Variants in GRIN2B observed in about 807,000 individuals in gnomAD.
The protein encoded by GRIN2B is glutamate receptor ionotropic, NMDA 2B.
In GRIN2B, 5 loss-of-function variants were observed where a neutral mutation model predicts 114.5. The ratio of observed to expected loss-of-function variants is 0.04; its 90% confidence interval spans 0.02 to 0.09. GRIN2B has a LOEUF of 0.09. Ranked by LOEUF, GRIN2B falls within the 10% of genes least tolerant of loss-of-function variation. The pLI, the probability that GRIN2B is intolerant of heterozygous loss-of-function variation, is 1.00. For synonymous variants in GRIN2B, 787 were observed against 745.1 expected (o/e 1.06, Z -0.92); for missense variants, 1,108 against 1,943.5 (o/e 0.57, Z 8.08).
chr12:13,563,906 C>T lies in GRIN2B; in HGVS notation c.3332G>A (p.Arg1111His), dbSNP rs876661167. ...EFDEIELAYR[R>H]RPPRSPDHKR... Reference sequence around the variant, plus strand: ...GTGGTCAGGGGAGCGGGGCGGTCGGCGACGGTAGGCCAGCTCGATCTCGTC... The same window carrying T: ...GTGGTCAGGGGAGCGGGGCGGTCGGTGACGGTAGGCCAGCTCGATCTCGTC... The change falls in exon 14 of 14, where the codon CGC (arginine) becomes CAC (histidine). Residue 1111 changes from arginine to histidine, a missense_variant. Physicochemically the swap from Arg to His is conservative, Grantham distance 29. Transcript: ENST00000609686. The T allele has an allele frequency of 6.2e-7, 1 of 1,614,070 alleles. No homozygotes were observed. Among genetic ancestry groups the T allele is most frequent in the Non-Finnish European group, 8.5e-7 (1 of 1,180,004 alleles).
intron 4 of GRIN2B, among the ~76,000 whole-genome samples, chr12:13,677,921 A>C (rs1950091205): frequency 6.6e-6 from 1 of 151,870 alleles, no homozygotes; most frequent in Non-Finnish European, 1.5e-5. Context: ...CGTAATTTTA[A>C]CTTGATGGAT....
intron 2 of GRIN2B, among the ~76,000 whole-genome samples, chr12:13,903,640 G>A (rs1305631055): frequency 6.6e-6 from 1 of 152,004 alleles, no homozygotes; most frequent in Non-Finnish European, 1.5e-5. Flanking sequence ...TTGATAAATG[G>A]TCAGTTTCCT....
At chr12:13,739,952 G>A (rs1591705991) in intron 4 of GRIN2B, among the ~76,000 whole-genome samples, 2 of 152,328 alleles carry the variant, frequency 1.3e-5, no homozygotes. Flanking sequence ...GTGTATGCAC[G>A]TGGGGGAAGG....
chr12:13,590,349 C>T (rs953451037), intron 10 of GRIN2B, among the ~76,000 whole-genome samples: 7 of 152,090 alleles, frequency 4.6e-5, no homozygotes, highest in Non-Finnish European at 8.8e-5. Flanking sequence ...TTTTAAGCCC[C>T]GCATGCATTA....
chr12:13,698,696 T>G (rs544810551), intron 4 of GRIN2B, among the ~76,000 whole-genome samples: 1 of 152,344 alleles, frequency 6.6e-6, no homozygotes, highest in African/African-American at 2.4e-5. Context: ...TATTTTTATT[T>G]TTTTGAGACA....
At chr12:13,885,438 GT>G (rs1823840062) in intron 2 of GRIN2B, among the ~76,000 whole-genome samples, 1 of 152,176 alleles carries the variant, frequency 6.6e-6, no homozygotes, top group South Asian at 2.1e-4. Context: ...GCCGGGTGTG[GT>G]TAGAAGCCCT....
intron 4 of GRIN2B, among the ~76,000 whole-genome samples, chr12:13,751,420 T>G (rs891052486): frequency 2.6e-5 from 4 of 152,084 alleles, no homozygotes; most frequent in African/African-American, 9.7e-5. Context: ...CCTGTAGTAA[T>G]GCATGTGAGA....
intron 2 of GRIN2B, among the ~76,000 whole-genome samples, chr12:13,922,775 G>A (rs905130513): frequency 6.6e-6 from 1 of 152,178 alleles, no homozygotes; most frequent in African/African-American, 2.4e-5. Flanking sequence ...CCAAAACTGT[G>A]CTTTGGGAAA....
At chr12:13,968,488 G>A (rs907555529) in intron 2 of GRIN2B, among the ~76,000 whole-genome samples, 3 of 152,168 alleles carry the variant, frequency 2.0e-5, no homozygotes, top group African/African-American at 7.2e-5. Context: ...GTGCTGGCCA[G>A]GGTGGGGCCA....
At chr12:13,875,159 G>A (rs1865975387) in intron 2 of GRIN2B, among the ~76,000 whole-genome samples, 1 of 151,720 alleles carries the variant, frequency 6.6e-6, no homozygotes, top group Admixed American at 6.6e-5. Flanking sequence ...CCATTTATAA[G>A]TTTACCTATG....
chr12:13,869,382 G>A (rs1865872987), intron 2 of GRIN2B, among the ~76,000 whole-genome samples: 1 of 151,454 alleles, frequency 6.6e-6, no homozygotes, highest in African/African-American at 2.4e-5. Context: ...AGCTCTAACA[G>A]TGCCTCATAT....
chr12:13,649,467 T>C (rs1395373127), intron 5 of GRIN2B, among the ~76,000 whole-genome samples: 1 of 152,104 alleles, frequency 6.6e-6, no homozygotes, highest in Admixed American at 6.6e-5. Flanking sequence ...TAGTAAAATA[T>C]GTTGGATAAA....
intron 3 of GRIN2B, among the ~76,000 whole-genome samples, chr12:13,804,152 G>GCT (rs745410501): frequency 1.7e-3 from 217 of 126,594 alleles, no homozygotes; most frequent in African/African-American, 5.1e-3. Context: ...CATTTCTGCA[G>GCT]CTCTCTTTTT....
chr12:13,622,389 G>T (rs542147644), intron 5 of GRIN2B, among the ~76,000 whole-genome samples: 48 of 152,182 alleles, frequency 3.2e-4, no homozygotes, highest in Admixed American at 2.4e-3. Flanking sequence ...CTGCAGCCCC[G>T]GGGCAGGCCT....
At position 13,560,961 on chromosome 12, in the gene GRIN2B, T is replaced by G. The variant is rs1240064833; in HGVS notation, c.*1822A>C. On this transcript the variant is annotated 3_prime_UTR_variant, in exon 14 of 14. Coordinates refer to ENST00000609686, the MANE Select transcript of GRIN2B (RefSeq NM_000834.5). ...ACCTTTCTGGTTTATGTGTCCTGTGTGCAACATGGCGATCCTGCAGTCAAG... is the reference window on the plus strand; with the variant it reads ...ACCTTTCTGGTTTATGTGTCCTGTGGGCAACATGGCGATCCTGCAGTCAAG... 1 of 152,228 alleles carries G rather than the reference T, an allele frequency of 6.6e-6. No homozygotes were observed. The highest frequency in any genetic ancestry group is 2.4e-5 in the African/African-American group (1 of 41,414). 9.4% of individuals were successfully genotyped at this position (152,228 alleles called of 1,614,324 possible).
intron 4 of GRIN2B, among the ~76,000 whole-genome samples, chr12:13,716,257 A>G (rs888107554): frequency 1.3e-5 from 2 of 151,962 alleles, no homozygotes; most frequent in Non-Finnish European, 2.9e-5. Context: ...AGGGTGATGC[A>G]ATAGGAAATA....
chr12:13,713,168 T>C (rs1280154098), intron 4 of GRIN2B, among the ~76,000 whole-genome samples: 1 of 151,944 alleles, frequency 6.6e-6, no homozygotes, highest in African/African-American at 2.4e-5. Flanking sequence ...CGTTAGGTAT[T>C]TCTTTTAACA....
chr12:13,613,068 G>C (rs1949385758), intron 8 of GRIN2B, among the ~76,000 whole-genome samples: 1 of 152,184 alleles, frequency 6.6e-6, no homozygotes, highest in Non-Finnish European at 1.5e-5. Flanking sequence ...TAAAGCCCCA[G>C]TGCTTAACAC....
At chr12:13,635,493 A>G (rs770479451) in intron 5 of GRIN2B, among the ~76,000 whole-genome samples, 2 of 152,224 alleles carry the variant, frequency 1.3e-5, no homozygotes, top group Non-Finnish European at 2.9e-5. Flanking sequence ...CATCTGGACT[A>G]CAACCCCCTG....
Sources: gnomAD v4.1 joint callset for allele counts (sites outside exome capture counted in the v4.1 genomes callset) on GRCh38, gnomAD v4.1.1 for gene constraint, MANE v1.5 for transcripts, NCBI Gene and HGNC (gene_info 2026-07-23, HGNC 2026-07-21) for gene names.